BANK1: variants seen among roughly 807,000 people sequenced by gnomAD.
BANK1 encodes B-cell scaffold protein with ankyrin repeats.
Under a neutral mutation model 94.5 loss-of-function variants are expected in BANK1, and 95 were observed. The observed-to-expected ratio is 1.00, with a 90% CI of 0.85 to 1.19. The LOEUF (loss-of-function observed/expected upper bound fraction) is 1.19, where lower values mean the gene tolerates loss of function less well. Ranked by LOEUF, BANK1 falls within the 50% of genes most tolerant of loss-of-function variation. BANK1 has a pLI of 0.00. For missense variants in BANK1, 987 were observed against 932.2 expected, an observed-to-expected ratio of 1.06 and a Z score of -0.77; for synonymous variants, 334 against 308.4, an observed-to-expected ratio of 1.08 and a Z score of -0.87.
At chr4:102,035,868 C>A (rs1218710468) in intron 10 of BANK1, among the ~76,000 whole-genome samples, 2 of 151,876 alleles carry the variant, frequency 1.3e-5, no homozygotes, top group African/African-American at 4.8e-5. Flanking sequence ...GGATCGGGTT[C>A]ATTAAGCTTG....
At chr4:101,816,449 C>T (rs1448529320) in intron 1 of BANK1, among the ~76,000 whole-genome samples, 1 of 152,174 alleles carries the variant, frequency 6.6e-6, no homozygotes, top group African/African-American at 2.4e-5. Context: ...CTTCCATCAA[C>T]TGGAAGAATT....
In BANK1 at chr4:102,002,101, A is replaced by G. The variant is rs184046264; in HGVS notation, c.1207-19413A>G. Among the ~76,000 whole-genome samples the G allele has an allele frequency of 2.3e-3, 352 of 152,306 alleles. 3 individuals carry two copies. The highest frequency in any genetic ancestry group is 0.02 in the Middle Eastern group (6 of 294). On this transcript the variant is annotated intron_variant, in intron 7 of 16. Transcript: ENST00000322953. ...AGAACTGGCAGTGCCTGCAGCACCC[A>G]ACATTTCCAAATTCTCATTTCATTT...
chr4:101,952,834 C>T lies in BANK1; in HGVS notation c.1206+34645C>T, dbSNP rs575301250. 3.9e-5 allele frequency among the ~76,000 whole-genome samples: 6 copies of T among 152,270 alleles called. No homozygotes were observed. In the East Asian group the frequency reaches 9.7e-4, roughly 25 times the overall value. ...CCAAGACTTGAGTCTGCGCCCTTAC[C>T]ACACTCCAGCATTGCCATGTCCCTT... is the stretch of plus-strand genomic sequence containing the variant. On this transcript the variant is annotated intron_variant, in intron 7 of 16. Transcript: ENST00000322953.
intron 1 of BANK1, among the ~76,000 whole-genome samples, chr4:101,794,648 G>GTTGA (rs1560576787): frequency 1.3e-5 from 2 of 151,466 alleles, no homozygotes; most frequent in Non-Finnish European, 3.0e-5. Flanking sequence ...AATAGTCCCA[G>GTTGA]TGGTGGAAAT....
chr4:101,880,327 C>A (rs12641899), intron 5 of BANK1, among the ~76,000 whole-genome samples: 4,647 of 151,880 alleles, frequency 0.031, 150 homozygotes, highest in South Asian at 0.15. Flanking sequence ...AAAAAAAAGT[C>A]CCATTTACTG....
chr4:101,891,660 C>T (rs935728939), intron 5 of BANK1, among the ~76,000 whole-genome samples: 15 of 151,990 alleles, frequency 9.9e-5, no homozygotes, highest in African/African-American at 3.1e-4. Flanking sequence ...GTGCTTGAAA[C>T]TGCTTATTAC....
intron 9 of BANK1, among the ~76,000 whole-genome samples, chr4:102,028,425 A>C (rs1727174688): frequency 6.6e-6 from 1 of 152,232 alleles, no homozygotes; most frequent in Non-Finnish European, 1.5e-5. Flanking sequence ...ATAAGAGTTA[A>C]GACTCTGTTG....
intron 6 of BANK1, among the ~76,000 whole-genome samples, chr4:101,901,933 T>C (rs9790772): frequency 0.81 from 122,906 of 151,920 alleles, 50,427 homozygotes; most frequent in Non-Finnish European, 0.89. Context: ...GCTATTTTTT[T>C]GTATTTTTAG....
In BANK1 at chr4:101,790,848, CAGTGCGCA is replaced by C. The variant is rs1724951206; in HGVS notation, c.-32_-25del. Reference sequence around the variant, plus strand: ...AGTCCAGGTAGCGCTCGGCGGGCAGCAGTGCGCAGGCCCCTCGGCTTCAACCGCCACAA... The same window carrying C: ...AGTCCAGGTAGCGCTCGGCGGGCAGCGGCCCCTCGGCTTCAACCGCCACAA... On this transcript the variant is annotated 5_prime_UTR_variant, in exon 1 of 17. Coordinates refer to ENST00000322953, the MANE Select transcript of BANK1 (RefSeq NM_017935.5). 4.6e-6 allele frequency: 7 copies of C among 1,532,636 alleles called. No individual in the cohort carries two copies. Among genetic ancestry groups the C allele is most frequent in the Non-Finnish European group, 6.1e-6 (7 of 1,142,826 alleles). The allele number at this position is 1,532,636 out of a possible 1,614,324, so 94.9% of individuals were successfully genotyped here.
At chr4:102,063,422 G>A (rs954531590) in intron 13 of BANK1, among the ~76,000 whole-genome samples, 1 of 151,782 alleles carries the variant, frequency 6.6e-6, no homozygotes, top group Non-Finnish European at 1.5e-5. Flanking sequence ...AATATGATAA[G>A]TATTTTATAT....
chr4:101,814,469 C>T (rs1282459612), intron 1 of BANK1, among the ~76,000 whole-genome samples: 1 of 152,148 alleles, frequency 6.6e-6, no homozygotes. Flanking sequence ...TTTTCTTTTT[C>T]TCGGAACTAG....
At chr4:101,834,606 A>T (rs1726755845) in intron 2 of BANK1, among the ~76,000 whole-genome samples, 1 of 151,792 alleles carries the variant, frequency 6.6e-6, no homozygotes, top group South Asian at 2.1e-4. Context: ...AATCATGTTG[A>T]AGACATAAAG....
In BANK1 at chr4:102,060,253, GCTGT is replaced by G. The variant is rs757338022; in HGVS notation, c.2015_2018del (p.Cys672Ter). The G allele has an allele frequency of 2.6e-5, 42 of 1,604,714 alleles. No individual in the cohort carries two copies. Among genetic ancestry groups the G allele is most frequent in the South Asian group, 3.4e-5 (3 of 89,298 alleles). On this transcript the variant is annotated frameshift_variant, in exon 12 of 17. Coordinates refer to ENST00000322953, the MANE Select transcript of BANK1 (RefSeq NM_017935.5). LOFTEE classifies it high-confidence loss of function. ...AGTCCAGCCTTTTCTACTCTCAGGG[GCTGT>G]CTAACTGATGGTCAGGAAGAACTCA...
chr4:101,913,877 G>A (rs966517286), intron 6 of BANK1, among the ~76,000 whole-genome samples: 2 of 152,140 alleles, frequency 1.3e-5, no homozygotes, highest in Admixed American at 6.5e-5. Flanking sequence ...GAGATGACAT[G>A]CTCCATTTAT....
chr4:102,041,483 A>T (rs184279311), intron 10 of BANK1, among the ~76,000 whole-genome samples: 1 of 152,126 alleles, frequency 6.6e-6, no homozygotes, highest in East Asian at 1.9e-4. Context: ...GCAATATGCT[A>T]ATTGCTAGTT....
At chr4:102,070,730 C>CCTGG (rs1280703009) in intron 13 of BANK1, among the ~76,000 whole-genome samples, 2 of 152,114 alleles carry the variant, frequency 1.3e-5, no homozygotes, top group Non-Finnish European at 2.9e-5. Context: ...CTCGCTCATG[C>CCTGG]CTGGCTAGCT....
At chr4:101,857,964 G>A (rs1727739579) in intron 3 of BANK1, among the ~76,000 whole-genome samples, 1 of 152,016 alleles carries the variant, frequency 6.6e-6, no homozygotes, top group Non-Finnish European at 1.5e-5. Context: ...TGGGTCAATT[G>A]ACCATGAGAG....
At chr4:101,799,266 G>A (rs1301411759) in intron 1 of BANK1, among the ~76,000 whole-genome samples, 1 of 152,130 alleles carries the variant, frequency 6.6e-6, no homozygotes, top group Non-Finnish European at 1.5e-5. Flanking sequence ...AAGATGAGAT[G>A]GTTATAGATG....
chr4:102,066,454 T>G (rs374744590), intron 13 of BANK1, among the ~76,000 whole-genome samples: 2 of 152,242 alleles, frequency 1.3e-5, no homozygotes, highest in South Asian at 4.1e-4. Flanking sequence ...AGACGGGGTT[T>G]CACCATGTTA....
Sources: allele counts gnomAD v4.1 joint callset (sites outside exome capture counted in the v4.1 genomes callset), GRCh38; gene constraint gnomAD v4.1.1; transcripts MANE v1.5; gene names NCBI Gene and HGNC (gene_info 2026-07-23, HGNC 2026-07-21).